The following TENM3 variants were observed in gnomAD, a reference collection of about 807,000 sequenced individuals.
TENM3 encodes the protein teneurin transmembrane protein 3.
A neutral mutation model predicts 255.1 loss-of-function variants in TENM3; 63 were observed. The observed-to-expected ratio is 0.25, with a 90% confidence interval of 0.20 to 0.30. The LOEUF is 0.30. Ranked by LOEUF, TENM3 falls within the 10% of genes least tolerant of loss-of-function variation. The pLI is 1.00. For missense variants in TENM3, 2,929 were observed against 3,461.1 expected (o/e 0.85, Z 3.86); for synonymous variants, 1,306 against 1,322.3 (o/e 0.99, Z 0.27).
At chr4:182,531,580 C>G (rs1877820) in intron 3 of TENM3, among the ~76,000 whole-genome samples, 129,154 of 152,190 alleles carry the variant, frequency 0.85, 54,889 homozygotes, top group East Asian at 0.95. Flanking sequence ...AGAGGAACTA[C>G]AGCAAAGTCA....
At chr4:181,640,288 A>C in the TENM3 span, among the ~76,000 whole-genome samples, 1 of 152,200 alleles carries the variant, frequency 6.6e-6, no homozygotes. Flanking sequence ...TCTGATTGCA[A>C]GTTAGAGAAC....
the TENM3 span, among the ~76,000 whole-genome samples, chr4:181,772,349 G>A: frequency 6.6e-6 from 1 of 151,924 alleles, no homozygotes; most frequent in East Asian, 1.9e-4. Context: ...CTGCACTCCA[G>A]CCTGGGTCAC....
intron 13 of TENM3, among the ~76,000 whole-genome samples, chr4:182,715,631 T>C (rs1759095792): frequency 6.6e-6 from 1 of 152,024 alleles, no homozygotes; most frequent in Non-Finnish European, 1.5e-5. Flanking sequence ...TCATAGAAGG[T>C]TGTCAGAGAA....
intron 11 of TENM3, among the ~76,000 whole-genome samples, chr4:182,682,729 C>T (rs957252707): frequency 5.3e-5 from 8 of 151,446 alleles, no homozygotes; most frequent in Non-Finnish European, 8.9e-5. Context: ...AAGTGATACA[C>T]GCTGATTTTT....
the TENM3 span, among the ~76,000 whole-genome samples, chr4:181,890,546 A>G: frequency 6.9e-4 from 105 of 152,268 alleles, no homozygotes; most frequent in African/African-American, 2.5e-3. Context: ...CTAAATGTCA[A>G]TATTCATTGT....
At position 182,714,096 on chromosome 4, in the gene TENM3, C is replaced by A; in HGVS notation, c.2231C>A (p.Pro744His). 1 of 1,613,592 alleles carries A rather than the reference C, an allele frequency of 6.2e-7. No individual in the cohort carries two copies. The highest frequency in any genetic ancestry group is 8.5e-7 in the Non-Finnish European group (1 of 1,179,706). The change falls in exon 13 of 28, where the codon CCT becomes CAT. Residue 744 changes from proline to histidine, a missense_variant. This residue lies in a region of TENM3 where 1,608 missense variants were observed against 1,884.4 expected (regional missense o/e 0.85). Transcript: ENST00000511685. ...TTCTTTGTCTCGACAGAGGGTTGTC[C>A]TGGTCTGTGCAACAGCAATGGAAGA... is the stretch of plus-strand genomic sequence containing the variant. ...NGEHCTIEGC[P>H]GLCNSNGRCT...
At chr4:182,272,760 A>G (rs536167170) in intron 1 of TENM3, among the ~76,000 whole-genome samples, 6 of 152,304 alleles carry the variant, frequency 3.9e-5, no homozygotes, top group African/African-American at 1.4e-4. Flanking sequence ...TAATCTAGAG[A>G]AGAGAAAAGT....
the TENM3 span, among the ~76,000 whole-genome samples, chr4:181,837,691 AT>A: frequency 6.6e-6 from 1 of 152,220 alleles, no homozygotes; most frequent in East Asian, 1.9e-4. Context: ...ATAGGAGCAG[AT>A]GATCAAAAGA....
At chr4:182,440,523 T>C (rs538468910) in intron 3 of TENM3, among the ~76,000 whole-genome samples, 1 of 152,112 alleles carries the variant, frequency 6.6e-6, no homozygotes, top group Non-Finnish European at 1.5e-5. Flanking sequence ...TGGGCCTACA[T>C]GTCTAGATCT....
the TENM3 span, among the ~76,000 whole-genome samples, chr4:181,929,336 A>G: frequency 2.6e-5 from 4 of 151,712 alleles, no homozygotes; most frequent in African/African-American, 9.7e-5. Context: ...AGGAATATTT[A>G]CCAAGCAAAT....
At chr4:181,874,187 G>A in the TENM3 span, among the ~76,000 whole-genome samples, 1 of 152,312 alleles carries the variant, frequency 6.6e-6, no homozygotes, top group Middle Eastern at 3.4e-3. Context: ...CCAAACTGCT[G>A]AGATTACAGG....
At chr4:182,538,622 G>A (rs1259437370) in intron 3 of TENM3, among the ~76,000 whole-genome samples, 3 of 152,160 alleles carry the variant, frequency 2.0e-5, no homozygotes, top group Non-Finnish European at 4.4e-5. Flanking sequence ...GGGGTTAGAA[G>A]GATGTGACCA....
the TENM3 span, among the ~76,000 whole-genome samples, chr4:181,965,057 A>G: frequency 6.6e-6 from 1 of 152,164 alleles, no homozygotes; most frequent in African/African-American, 2.4e-5. Context: ...AAAAAATCCT[A>G]AATTTTCTGT....
At chr4:182,429,240 C>T (rs143660431) in intron 3 of TENM3, among the ~76,000 whole-genome samples, 1 of 151,976 alleles carries the variant, frequency 6.6e-6, no homozygotes, top group African/African-American at 2.4e-5. Context: ...ATTTAGGAAC[C>T]CCAGAGGTAA....
intron 1 of TENM3, among the ~76,000 whole-genome samples, chr4:182,216,849 T>C (rs1208079271): frequency 1.3e-5 from 2 of 152,046 alleles, no homozygotes; most frequent in African/African-American, 4.8e-5. Flanking sequence ...GATTCAGGTG[T>C]TTTCTAAACA....
rs1190049056 is a variant in TENM3, at chr4:182,601,077, T to C, written c.665T>C (p.Leu222Ser). The C allele has an allele frequency of 6.2e-7, 1 of 1,613,840 alleles. No homozygotes were observed. Residue 222 changes from leucine to serine, a missense_variant, in exon 4 of 28, where the codon TTG becomes TCG. Leu to Ser is a moderately radical substitution (Grantham distance 145). Coordinates refer to ENST00000511685, the MANE Select transcript of TENM3 (RefSeq NM_001080477.4). ...RNQSPAPPAA[L>S]PAELQTTPES... Reference sequence around the variant, plus strand: ...CAGAGTCCGGCCCCGCCGGCTGCTTTGCCCGCCGAGCTGCAAACCACACCC... The same window carrying C: ...CAGAGTCCGGCCCCGCCGGCTGCTTCGCCCGCCGAGCTGCAAACCACACCC...
the TENM3 span, among the ~76,000 whole-genome samples, chr4:182,038,726 T>A: frequency 6.6e-6 from 1 of 152,174 alleles, no homozygotes; most frequent in East Asian, 1.9e-4. Flanking sequence ...AAATACGTAT[T>A]TTATTTTATT....
chr4:182,178,531 G>A (rs1752656602), intron 1 of TENM3, among the ~76,000 whole-genome samples: 1 of 152,070 alleles, frequency 6.6e-6, no homozygotes, highest in Non-Finnish European at 1.5e-5. Flanking sequence ...TCTGTGTCTT[G>A]CATGTTCAGG....
the TENM3 span, among the ~76,000 whole-genome samples, chr4:181,966,816 G>A: frequency 6.6e-6 from 1 of 152,130 alleles, no homozygotes; most frequent in African/African-American, 2.4e-5. Context: ...AGACACAAAA[G>A]TGACAAAGCA....
Sources: gnomAD v4.1 joint callset for allele counts (sites outside exome capture counted in the v4.1 genomes callset) on GRCh38, gnomAD v4.1.1 for gene constraint, gnomAD v4.1.1 regional missense constraint, MANE v1.5 for transcripts, NCBI Gene and HGNC (gene_info 2026-07-23, HGNC 2026-07-21) for gene names.